Variants in PDE3A observed in about 807,000 individuals in gnomAD.
PDE3A encodes the protein cGMP-inhibited 3',5'-cyclic phosphodiesterase 3A.
A neutral mutation model predicts 98.3 loss-of-function variants in PDE3A; 43 were observed. That is an observed-to-expected ratio of 0.44 (90% confidence interval 0.34 to 0.56). PDE3A has a LOEUF of 0.56. Among genes scored for constraint, PDE3A ranks in the 20% least tolerant of loss-of-function variants. The pLI, the probability that PDE3A is intolerant of heterozygous loss-of-function variation, is 0.01. For missense variants in PDE3A, 1,427 were observed against 1,440.7 expected (o/e 0.99, Z 0.15); for synonymous variants, 663 against 567.9 (o/e 1.17, Z -2.38).
intron 1 of PDE3A, among the ~76,000 whole-genome samples, chr12:20,495,869 T>C (rs1243799529): frequency 6.6e-6 from 1 of 152,196 alleles, no homozygotes; most frequent in Admixed American, 6.5e-5. Flanking sequence ...TTGGATTTCT[T>C]TGATAAGAAA....
At chr12:20,476,068 A>G (rs932541419) in intron 1 of PDE3A, among the ~76,000 whole-genome samples, 19 of 152,194 alleles carry the variant, frequency 1.2e-4, no homozygotes, top group African/African-American at 3.9e-4. Flanking sequence ...ATTTTTCTCT[A>G]TCTAAATTTC....
At chr12:20,505,220 G>A (rs946390033) in intron 1 of PDE3A, among the ~76,000 whole-genome samples, 1 of 151,982 alleles carries the variant, frequency 6.6e-6, no homozygotes, top group Admixed American at 6.6e-5. Context: ...AATGCATTAG[G>A]TCATTAGACA....
intron 7 of PDE3A, among the ~76,000 whole-genome samples, chr12:20,634,476 A>G (rs1944453459): frequency 6.6e-6 from 1 of 152,184 alleles, no homozygotes. Flanking sequence ...GCTCCCAAGC[A>G]TATGCCATCA....
At chr12:20,589,594 C>T (rs757207795) in intron 2 of PDE3A, among the ~76,000 whole-genome samples, 2 of 151,962 alleles carry the variant, frequency 1.3e-5, no homozygotes, top group South Asian at 2.1e-4. Context: ...CATGGCCGGG[C>T]GCTGTGGCTC....
chr12:20,466,904 G>A (rs1169646695), intron 1 of PDE3A, among the ~76,000 whole-genome samples: 1 of 152,080 alleles, frequency 6.6e-6, no homozygotes, highest in Non-Finnish European at 1.5e-5. Flanking sequence ...GTGTGCTTAA[G>A]TCATTTTATA....
At position 20,427,489 on chromosome 12, in the gene PDE3A, C is replaced by T. The variant is rs189385379; in HGVS notation, c.960+57245C>T. ...TTCTTGTATCTTGAAATAAGCTGTA[C>T]TTATGGTTAGGTATATGCTAGATCT... On this transcript the variant is annotated intron_variant, in intron 1 of 15. Coordinates refer to ENST00000359062, the MANE Select transcript of PDE3A (RefSeq NM_000921.5). Among the ~76,000 whole-genome samples the T allele has an allele frequency of 1.6e-3, 238 of 152,180 alleles. 2 individuals carry two copies. The highest frequency in any genetic ancestry group is 5.5e-3 in the African/African-American group (230 of 41,524).
chr12:20,607,527 A>G (rs767164149), intron 2 of PDE3A, among the ~76,000 whole-genome samples: 1 of 152,110 alleles, frequency 6.6e-6, no homozygotes, highest in Non-Finnish European at 1.5e-5. Context: ...TGATATATAA[A>G]ACCGCACTTT....
chr12:20,455,513 A>G (rs1945139082), intron 1 of PDE3A, among the ~76,000 whole-genome samples: 1 of 152,182 alleles, frequency 6.6e-6, no homozygotes, highest in Admixed American at 6.5e-5. Context: ...TGCTTGTAGC[A>G]GGATTCTGGC....
intron 1 of PDE3A, among the ~76,000 whole-genome samples, chr12:20,484,101 A>G (rs1945680098): frequency 6.6e-6 from 1 of 152,000 alleles, no homozygotes; most frequent in Non-Finnish European, 1.5e-5. Context: ...TTGTGTATAT[A>G]TTGGAATATT....
intron 1 of PDE3A, among the ~76,000 whole-genome samples, chr12:20,465,542 C>A (rs899539707): frequency 6.6e-6 from 1 of 151,912 alleles, no homozygotes; most frequent in African/African-American, 2.4e-5. Flanking sequence ...TCCCGAGTAG[C>A]GGGACTACAG....
chr12:20,378,389 A>G (rs572674084), intron 1 of PDE3A, among the ~76,000 whole-genome samples: 1 of 151,892 alleles, frequency 6.6e-6, no homozygotes, highest in East Asian at 1.9e-4. Flanking sequence ...TTTACTTTAT[A>G]TATAGATATA....
chr12:20,591,608 A>T (rs1943340316), intron 2 of PDE3A, among the ~76,000 whole-genome samples: 2 of 152,242 alleles, frequency 1.3e-5, no homozygotes, highest in African/African-American at 4.8e-5. Context: ...AGGAAGAAAG[A>T]ATGATACACT....
At chr12:20,531,416 A>T (rs1941595698) in intron 1 of PDE3A, among the ~76,000 whole-genome samples, 1 of 152,194 alleles carries the variant, frequency 6.6e-6, no homozygotes, top group Admixed American at 6.5e-5. Context: ...TACAAAATGT[A>T]TAGTTGAGTT....
chr12:20,404,983 C>T (rs1302873754), intron 1 of PDE3A, among the ~76,000 whole-genome samples: 1 of 151,838 alleles, frequency 6.6e-6, no homozygotes, highest in Non-Finnish European at 1.5e-5. Context: ...TTTATTTCTT[C>T]CCCCAAAATT....
chr12:20,491,337 C>T (rs1278905596), intron 1 of PDE3A, among the ~76,000 whole-genome samples: 7 of 152,112 alleles, frequency 4.6e-5, no homozygotes, highest in African/African-American at 1.4e-4. Context: ...AATAAGGGGA[C>T]GAACATTCGT....
Position 20,639,828 on chromosome 12 carries a change from CT to C in PDE3A, c.2140-15del. The C allele has an allele frequency of 8.9e-7, 1 of 1,125,542 alleles. No homozygotes were observed. Among genetic ancestry groups the C allele is most frequent in the Non-Finnish European group, 1.4e-6 (1 of 735,804 alleles). The allele number at this position is 1,125,542 out of a possible 1,614,324, so 69.7% of individuals were successfully genotyped here. On this transcript the variant is annotated splice_polypyrimidine_tract_variant and intron_variant, in intron 9 of 15. Transcript: ENST00000359062. ...ATACACATAGGGATGTTTCATAAGG[CT>C]TTGTCTTCTTTTACAGGTATCTTAC... is the stretch of plus-strand genomic sequence containing the variant.
chr12:20,680,331 C>A lies in PDE3A; in HGVS notation c.*60C>A, dbSNP rs976866019. ...TGACTTGTCAAAGACTCTCTTCAAG[C>A]CAGCACAACATTTAGACACAACACT... On this transcript the variant is annotated 3_prime_UTR_variant, in exon 16 of 16. Transcript: ENST00000359062. The A allele has an allele frequency of 7.1e-6, 11 of 1,556,348 alleles. No individual in the cohort carries two copies. In the African/African-American group the frequency reaches 1.2e-4, roughly 17 times the overall value.
At chr12:20,646,423 A>G in intron 10 of PDE3A, 67 bp from the exon 11 acceptor site, 1 of 865,766 alleles carries the variant, frequency 1.2e-6, no homozygotes, top group Non-Finnish European at 2.0e-6. Flanking sequence ...TGTCCAGTAG[A>G]TGGCACTCTT....
At chr12:20,435,834 T>C (rs1316732314) in intron 1 of PDE3A, among the ~76,000 whole-genome samples, 2 of 152,214 alleles carry the variant, frequency 1.3e-5, no homozygotes, top group Admixed American at 6.5e-5. Context: ...TAGTACAATA[T>C]AGTGTCAGAG....
Sources: allele counts gnomAD v4.1 joint callset (sites outside exome capture counted in the v4.1 genomes callset), GRCh38; gene constraint gnomAD v4.1.1; transcripts MANE v1.5; gene names NCBI Gene and HGNC (gene_info 2026-07-23, HGNC 2026-07-21).